Variants in RANBP10 observed in about 807,000 individuals in gnomAD.
RANBP10 encodes the protein RAN binding protein 10, also known as ran-binding protein 10.
In RANBP10, 24 loss-of-function variants were observed where a neutral mutation model predicts 72.8. The observed-to-expected ratio is 0.33, with a 90% CI of 0.24 to 0.46. The LOEUF (loss-of-function observed/expected upper bound fraction) is 0.46. Among genes scored for constraint, RANBP10 ranks in the 20% least tolerant of loss-of-function variants. The probability of loss-of-function intolerance (pLI) is 1.00; values close to 1 mark genes in which losing one functional copy is unlikely to be tolerated. For missense variants in RANBP10, 679 were observed against 817.5 expected, an observed-to-expected ratio of 0.83 and a Z score of 2.07; for synonymous variants, 310 against 322.3, an observed-to-expected ratio of 0.96 and a Z score of 0.41.
At chr16:67,742,186 A>G (rs1387025061) in intron 4 of RANBP10, among the ~76,000 whole-genome samples, 1 of 152,066 alleles carries the variant, frequency 6.6e-6, no homozygotes, top group African/African-American at 2.4e-5. Context: ...CTGGGAATAC[A>G]GGCGTGAGCC....
chr16:67,763,077 C>T (rs1435813114), intron 3 of RANBP10, among the ~76,000 whole-genome samples: 6 of 152,166 alleles, frequency 3.9e-5, no homozygotes. Flanking sequence ...CACAGCCATG[C>T]TGGTGTGTGG....
rs550605256 is a variant in RANBP10 at position 67,777,216 on chromosome 16, C to CA, written c.348-5131dup. On this transcript the variant is annotated intron_variant, in intron 2 of 13. Transcript: ENST00000317506. ...CAAGAGCGAAACTCCGTCCCCCACC[C>CA]AAAAAAAAGAAAAAAAATACTTAAA... 4.9e-5 allele frequency among the ~76,000 whole-genome samples: 7 copies of CA among 144,242 alleles called. No homozygotes were observed. The South Asian group carries it at 1.1e-3, about 23-fold the overall frequency. 94.6% of individuals were successfully genotyped at this position (144,242 alleles called of 152,430 possible).
chr16:67,737,638 G>A (rs923510813), intron 5 of RANBP10, among the ~76,000 whole-genome samples: 3 of 151,876 alleles, frequency 2.0e-5, no homozygotes, highest in Admixed American at 6.6e-5. Context: ...GTATGTACAA[G>A]GACTAGGTTC....
intron 2 of RANBP10, among the ~76,000 whole-genome samples, chr16:67,797,173 G>A (rs913066845): frequency 6.6e-6 from 1 of 152,188 alleles, no homozygotes; most frequent in African/African-American, 2.4e-5. Context: ...GACCCATACA[G>A]GGAAAAGACC....
chr16:67,800,316 C>T (rs936448665), intron 2 of RANBP10, among the ~76,000 whole-genome samples: 1 of 152,156 alleles, frequency 6.6e-6, no homozygotes, highest in Non-Finnish European at 1.5e-5. Flanking sequence ...AATGCCCCCA[C>T]CCCTCTCCAT....
At chr16:67,765,763 G>A (rs1301078767) in intron 3 of RANBP10, among the ~76,000 whole-genome samples, 1 of 152,116 alleles carries the variant, frequency 6.6e-6, no homozygotes, top group Non-Finnish European at 1.5e-5. Context: ...GTGAACCCAG[G>A]AGGCGGAGCT....
At chr16:67,737,187 C>CTTT (rs1567678347) in intron 5 of RANBP10, among the ~76,000 whole-genome samples, 1 of 128,378 alleles carries the variant, frequency 7.8e-6, no homozygotes, top group African/African-American at 3.5e-5. Context: ...AAACTCCATC[C>CTTT]TTTTCTTTTT....
At chr16:67,786,072 T>C (rs1272828608) in intron 2 of RANBP10, among the ~76,000 whole-genome samples, 5 of 150,160 alleles carry the variant, frequency 3.3e-5, no homozygotes, top group African/African-American at 9.8e-5. Flanking sequence ...ACATCTGTAA[T>C]ACCAGTGCTT....
chr16:67,729,234 T>A lies in RANBP10; in HGVS notation c.1352+46A>T. On this transcript the variant is annotated intron_variant, in intron 10 of 13. Transcript: ENST00000317506. This position sits in a 1 kb window ranked among gnomAD's most constrained non-coding sequence, Gnocchi z 7.1. ...AAGGACAGACTGCAATGGGCCCAGC[T>A]GGCATAAGGCAGAAGGCAGAGGAGG... 6.3e-7 allele frequency: 1 copy of A among 1,599,020 alleles called. No individual in the cohort carries two copies. The highest frequency in any genetic ancestry group is 1.1e-5 in the South Asian group (1 of 88,978).
intron 3 of RANBP10, among the ~76,000 whole-genome samples, chr16:67,753,170 C>T (rs1362536287): frequency 2.0e-5 from 3 of 148,178 alleles, no homozygotes; most frequent in African/African-American, 7.5e-5. Flanking sequence ...CATGCCACTG[C>T]ACTCTAGCCT....
rs1175081233 is a variant in RANBP10 at position 67,772,023 on chromosome 16, C to A, written c.400+11G>T. 1.2e-6 allele frequency: 2 copies of A among 1,604,748 alleles called. No homozygotes were observed. On this transcript the variant is annotated intron_variant, in intron 3 of 13. Coordinates refer to ENST00000317506, the MANE Select transcript of RANBP10 (RefSeq NM_020850.3). ...AGAGCAGAACAAATGTTCTCTTAAACAGTGACTCACCAGGAAGTCTGTTCA... is the reference window on the plus strand; with the variant it reads ...AGAGCAGAACAAATGTTCTCTTAAAAAGTGACTCACCAGGAAGTCTGTTCA...
At chr16:67,754,010 T>C (rs1171295938) in intron 3 of RANBP10, among the ~76,000 whole-genome samples, 1 of 151,734 alleles carries the variant, frequency 6.6e-6, no homozygotes, top group East Asian at 1.9e-4. Flanking sequence ...GGCGGGCACC[T>C]GTAGTCCCAG....
At chr16:67,802,517 A>T (rs1425679909) in intron 2 of RANBP10, among the ~76,000 whole-genome samples, 1 of 152,208 alleles carries the variant, frequency 6.6e-6, no homozygotes, top group Non-Finnish European at 1.5e-5. Flanking sequence ...GTATGCCTGT[A>T]ATCCCAGCTA....
chr16:67,806,167 G>T, intron 1 of RANBP10, 135 bp downstream of exon 1: 1 of 841,902 alleles, frequency 1.2e-6, no homozygotes, highest in Non-Finnish European at 1.8e-6. Context: ...TCACCACCCT[G>T]GACATCCTGA....
chr16:67,789,940 T>C (rs2054992919), intron 2 of RANBP10, among the ~76,000 whole-genome samples: 2 of 151,176 alleles, frequency 1.3e-5, no homozygotes, highest in African/African-American at 4.9e-5. Flanking sequence ...CTACTAAAAA[T>C]ACAAAAATTG....
At chr16:67,803,839 A>T (rs1407928295) in intron 2 of RANBP10, among the ~76,000 whole-genome samples, 2 of 150,332 alleles carry the variant, frequency 1.3e-5, no homozygotes, top group African/African-American at 4.9e-5. Flanking sequence ...TTAAAAAAAA[A>T]AAAAAAAAAA....
intron 2 of RANBP10, among the ~76,000 whole-genome samples, chr16:67,778,005 G>T (rs1167840215): frequency 6.6e-6 from 1 of 152,166 alleles, no homozygotes; most frequent in Non-Finnish European, 1.5e-5. Context: ...ATGGGGAAAT[G>T]ACAGTTTTTT....
chr16:67,799,699 A>G (rs1402745118), intron 2 of RANBP10, among the ~76,000 whole-genome samples: 1 of 151,990 alleles, frequency 6.6e-6, no homozygotes, highest in African/African-American at 2.4e-5. Flanking sequence ...CTCTTATATG[A>G]TTCTATGATG....
rs1257732572 is a variant in RANBP10 at position 67,729,723 on chromosome 16, G to A, written c.1104C>T (p.Leu368=). The A allele has an allele frequency of 2.5e-6, 4 of 1,614,056 alleles. No individual in the cohort carries two copies. The highest frequency in any genetic ancestry group is 1.1e-5 in the South Asian group (1 of 91,072). ...AACTACTGGGGCCATGTCGGGGACT[G>A]AGGCTGGGGGAGCCAGGGTAGCTGT... The part of the protein sequence containing the change: ...SQDSYPGSPS[L]SPRHGPSSSH... The change falls in exon 9 of 14, where the codon CTC becomes CTT. Residue 368 remains leucine, a synonymous_variant. Transcript: ENST00000317506. This position sits in a 1 kb window ranked among gnomAD's most constrained non-coding sequence, Gnocchi z 7.1.
Sources: gnomAD v4.1 joint callset for allele counts (sites outside exome capture counted in the v4.1 genomes callset) on GRCh38, gnomAD v4.1.1 for gene constraint, Gnocchi (gnomAD v3.1) non-coding constraint, MANE v1.5 for transcripts, NCBI Gene and HGNC (gene_info 2026-07-23, HGNC 2026-07-21) for gene names.